The following DCHS2 variants were observed in gnomAD, a reference collection of about 807,000 sequenced individuals.
The protein encoded by DCHS2 is protocadherin-23.
In DCHS2, 142 loss-of-function variants were observed where a neutral mutation model predicts 182.4. The ratio of observed to expected loss-of-function variants is 0.78; its 90% CI spans 0.68 to 0.89. The LOEUF is 0.89. Ranked by LOEUF, DCHS2 falls within the 40% of genes least tolerant of loss-of-function variation. DCHS2 has a pLI of 0.00. For missense variants in DCHS2, 4,319 were observed against 4,198.6 expected, an observed-to-expected ratio of 1.03 and a Z score of -0.79; for synonymous variants, 1,740 against 1,663.3, an observed-to-expected ratio of 1.05 and a Z score of -1.12.
At chr4:154,436,921 T>C (rs1733804088) in intron 1 of DCHS2, among the ~76,000 whole-genome samples, 1 of 152,194 alleles carries the variant, frequency 6.6e-6, no homozygotes, top group South Asian at 2.1e-4. Flanking sequence ...AATAATAAGA[T>C]TTGGGATATA....
rs778042604 is a variant in DCHS2 at position 154,333,161 on chromosome 4, T to A, written c.3047A>T (p.Tyr1016Phe). 6.2e-7 allele frequency: 1 copy of A among 1,614,106 alleles called. No individual in the cohort carries two copies. The highest frequency in any genetic ancestry group is 1.1e-5 in the South Asian group (1 of 91,074). ...RDSGRNGLIRYSIASPQPGVF... is the reference protein window; with the variant it reads ...RDSGRNGLIRFSIASPQPGVF... The stretch of plus-strand genomic sequence containing the variant: ...GCCTGGCTGCGGGCTGGCGATGGAG[T>A]ACCGGATGAGTCCGTTCCGCCCACT... The change falls in exon 5 of 20, where the codon TAC becomes TTC. Residue 1016 changes from tyrosine (Y) to phenylalanine (F), a missense_variant. Tyr to Phe is a conservative substitution (Grantham distance 22). Coordinates refer to ENST00000357232, the MANE Select transcript of DCHS2 (RefSeq NM_001358235.2).
intron 3 of DCHS2, among the ~76,000 whole-genome samples, chr4:154,363,125 T>A (rs1439355838): frequency 6.6e-6 from 1 of 152,150 alleles, no homozygotes; most frequent in Non-Finnish European, 1.5e-5. Context: ...ATAGAAAATG[T>A]GTTACAGTCA....
intron 1 of DCHS2, among the ~76,000 whole-genome samples, chr4:154,474,724 C>T (rs900033559): frequency 6.6e-6 from 1 of 152,156 alleles, no homozygotes; most frequent in Non-Finnish European, 1.5e-5. Flanking sequence ...GGACAGGATA[C>T]TTAACCATGC....
intron 1 of DCHS2, among the ~76,000 whole-genome samples, chr4:154,445,318 C>T (rs1453221594): frequency 6.6e-6 from 1 of 152,178 alleles, no homozygotes; most frequent in Non-Finnish European, 1.5e-5. Flanking sequence ...TCTGAGAAAA[C>T]TAACCTTATT....
Position 154,235,296 on chromosome 4 carries a change from G to A in DCHS2, c.9356C>T (p.Ser3119Leu). The A allele has an allele frequency of 6.2e-7, 1 of 1,614,080 alleles. No homozygotes were observed. Among genetic ancestry groups the A allele is most frequent in the South Asian group, 1.1e-5 (1 of 91,076 alleles). Residue 3119 changes from serine (S) to leucine (L), a missense_variant, in exon 20 of 20, where the codon TCA (serine) becomes TTA (leucine). By Grantham distance (145) the Ser-to-Leu change is moderately radical (BLOSUM62 -2). Transcript: ENST00000357232. ...RINEHPYRKC[S>L]DSALSDHESR... ...CTCGTGGTCACTCAGAGCTGAGTCT[G>A]AGCACTTTCTGTAGGGATGCTCATT...
At chr4:154,442,495 CT>C (rs1332875620) in intron 1 of DCHS2, among the ~76,000 whole-genome samples, 2 of 144,308 alleles carry the variant, frequency 1.4e-5, no homozygotes, top group African/African-American at 5.1e-5. Context: ...TCTGAATATT[CT>C]CTTCACTTTT....
At chr4:154,279,994 CAG>C (rs1291408136) in intron 13 of DCHS2, among the ~76,000 whole-genome samples, 4 of 151,134 alleles carry the variant, frequency 2.6e-5, no homozygotes, top group Admixed American at 2.6e-4. Context: ...GAGACAGAGA[CAG>C]AGAAAGAGAG....
At chr4:154,249,005 C>A (rs954391721) in intron 16 of DCHS2, among the ~76,000 whole-genome samples, 6 of 152,106 alleles carry the variant, frequency 3.9e-5, no homozygotes, top group Non-Finnish European at 5.9e-5. Flanking sequence ...CTAAGAAATA[C>A]CCTTCTTGAA....
Position 154,322,402 on chromosome 4 carries a change from A to T in DCHS2, c.4105T>A (p.Tyr1369Asn). 6.2e-7 allele frequency: 1 copy of T among 1,613,802 alleles called. No homozygotes were observed. Among genetic ancestry groups the T allele is most frequent in the Non-Finnish European group, 8.5e-7 (1 of 1,179,828 alleles). Residue 1369 changes from tyrosine (Y) to asparagine (N), a missense_variant, in exon 8 of 20, where the codon TAC becomes AAC. By Grantham distance (143) the Tyr-to-Asn change is moderately radical. Transcript: ENST00000357232. ...TCAGTGGCAATGACACTCATTCTGT[A>T]GGAAGGTCTATAATCATACGAAAGT... ...TILSYDYRPS[Y>N]RMSVIATDQG...
At chr4:154,322,688 G>T in intron 7 of DCHS2, 200 bp from the exon 8 acceptor site, 1 of 652,874 alleles carries the variant, frequency 1.5e-6, no homozygotes, top group Non-Finnish European at 2.3e-6. Flanking sequence ...ATACAAAAAA[G>T]TGGACAAAAT....
chr4:154,322,023 G>T (rs1172884254), intron 8 of DCHS2, among the ~76,000 whole-genome samples: 1 of 152,044 alleles, frequency 6.6e-6, no homozygotes, highest in Non-Finnish European at 1.5e-5. Context: ...CTTGACATTA[G>T]AAATAAGCAC....
intron 1 of DCHS2, among the ~76,000 whole-genome samples, chr4:154,402,351 C>T (rs927639330): frequency 7.2e-5 from 11 of 152,030 alleles, no homozygotes; most frequent in African/African-American, 2.7e-4. Flanking sequence ...GTTTGGCTGT[C>T]CTAGATCCAC....
chr4:154,384,226 T>G, intron 1 of DCHS2: 3 of 1,335,824 alleles, frequency 2.2e-6, no homozygotes, highest in Non-Finnish European at 3.0e-6. Context: ...AGTTCCAAAG[T>G]CTAATGATCG....
chr4:154,345,625 A>C (rs1022896110), intron 3 of DCHS2, among the ~76,000 whole-genome samples: 3 of 151,050 alleles, frequency 2.0e-5, no homozygotes, highest in Non-Finnish European at 4.4e-5. Context: ...CCTTCATGAA[A>C]CCTATCATAA....
At chr4:154,346,496 T>C (rs1729366033) in intron 3 of DCHS2, among the ~76,000 whole-genome samples, 1 of 49,412 alleles carries the variant, frequency 2.0e-5, no homozygotes, top group African/African-American at 8.0e-5. Context: ...ATAAAATCAC[T>C]TTTGTGCCTT....
rs996224586 is a variant in DCHS2 at position 154,343,563 on chromosome 4, T to C, written c.2477-8459A>G. 5 of 1,528,896 alleles carry C rather than the reference T, an allele frequency of 3.3e-6. No individual in the cohort carries two copies. In the African/African-American group the frequency reaches 6.9e-5, roughly 21 times the overall value. 94.7% of individuals were successfully genotyped at this position (1,528,896 alleles called of 1,614,324 possible). On this transcript the variant is annotated intron_variant, in intron 3 of 19. Transcript: ENST00000357232. ...ATCTTGCACTTTTAGGTAATGGAGA[T>C]GGCGTCTTCCCTTAAACCTCATGAA... is the stretch of plus-strand genomic sequence containing the variant.
At chr4:154,402,437 G>T (rs532765337) in intron 1 of DCHS2, among the ~76,000 whole-genome samples, 1 of 152,214 alleles carries the variant, frequency 6.6e-6, no homozygotes, top group South Asian at 2.1e-4. Flanking sequence ...AATTGGGACA[G>T]TGATAAAGGT....
chr4:154,237,406 G>T, intron 19 of DCHS2: 1 of 426,090 alleles, frequency 2.3e-6, no homozygotes, highest in Non-Finnish European at 3.7e-6. Flanking sequence ...TGAGGTTGCT[G>T]TTGCCACAAA....
intron 1 of DCHS2, among the ~76,000 whole-genome samples, chr4:154,421,603 C>G (rs1733115005): frequency 6.6e-6 from 1 of 152,132 alleles, no homozygotes; most frequent in Non-Finnish European, 1.5e-5. Context: ...CTATGTTGGC[C>G]AGGCTGGTCT....
Sources: gnomAD v4.1 joint callset for allele counts (sites outside exome capture counted in the v4.1 genomes callset) on GRCh38, gnomAD v4.1.1 for gene constraint, MANE v1.5 for transcripts, NCBI Gene and HGNC (gene_info 2026-07-23, HGNC 2026-07-21) for gene names.